MTMR2: variants seen among roughly 807,000 people sequenced by gnomAD.
The protein encoded by MTMR2 is myotubularin related protein 2, also known as phosphatidylinositol-3,5-bisphosphate 3-phosphatase MTMR2.
MTMR2 carries 55 observed loss-of-function variants against 86.9 expected under a neutral mutation model. The observed-to-expected ratio is 0.63, with a 90% CI of 0.51 to 0.79. The LOEUF (loss-of-function observed/expected upper bound fraction) is 0.79, where lower values mean the gene tolerates loss of function less well. Ranked by LOEUF, MTMR2 falls within the 30% of genes least tolerant of loss-of-function variation. MTMR2 has a pLI of 0.00. For missense variants in MTMR2, 659 were observed against 772.3 expected (o/e 0.85, Z 1.74); for synonymous variants, 241 against 266.8 (o/e 0.90, Z 0.94).
intron 2 of MTMR2, among the ~76,000 whole-genome samples, chr11:95,876,543 G>A (rs1865120070): frequency 6.6e-6 from 1 of 152,076 alleles, no homozygotes; most frequent in Non-Finnish European, 1.5e-5. Flanking sequence ...ACATCAATAG[G>A]TAAGATTCCA....
intron 1 of MTMR2, among the ~76,000 whole-genome samples, chr11:95,899,796 TTAAA>T (rs1199506023): frequency 6.6e-6 from 1 of 152,160 alleles, no homozygotes; most frequent in East Asian, 1.9e-4. Context: ...AGAGAACAGC[TTAAA>T]TAAATAGATC....
At chr11:95,909,765 G>T (rs1866427005) in intron 1 of MTMR2, among the ~76,000 whole-genome samples, 1 of 151,942 alleles carries the variant, frequency 6.6e-6, no homozygotes, top group Non-Finnish European at 1.5e-5. Context: ...TTGCAATAAG[G>T]ATCAAAATAT....
intron 1 of MTMR2, among the ~76,000 whole-genome samples, chr11:95,918,234 A>G (rs1565391688): frequency 6.6e-6 from 1 of 152,212 alleles, no homozygotes; most frequent in Non-Finnish European, 1.5e-5. Flanking sequence ...ATCCATCGGG[A>G]TCACCTGGAA....
intron 1 of MTMR2, among the ~76,000 whole-genome samples, chr11:95,923,019 T>C (rs563381842): frequency 2.6e-5 from 4 of 152,312 alleles, no homozygotes; most frequent in African/African-American, 9.6e-5. Context: ...ACAGGTCTTA[T>C]ATTATTTTTT....
intron 1 of MTMR2, among the ~76,000 whole-genome samples, chr11:95,909,446 A>G (rs1866416353): frequency 1.3e-5 from 2 of 152,158 alleles, no homozygotes; most frequent in South Asian, 4.1e-4. Flanking sequence ...ATCCCTTTTA[A>G]TGCTGCAAAG....
intron 4 of MTMR2, 65 bp from the exon 5 acceptor site, chr11:95,862,167 C>A: frequency 6.5e-7 from 1 of 1,532,476 alleles, no homozygotes; most frequent in South Asian, 1.1e-5. Context: ...TAGAGCTGAT[C>A]AAAATCTTAA....
intron 9 of MTMR2, among the ~76,000 whole-genome samples, chr11:95,848,168 C>T (rs1863875996): frequency 6.6e-6 from 1 of 152,160 alleles, no homozygotes; most frequent in South Asian, 2.1e-4. Context: ...GGTATTTAAA[C>T]ACTGTAAAGC....
intron 1 of MTMR2, among the ~76,000 whole-genome samples, chr11:95,902,118 A>G (rs1866096031): frequency 6.6e-6 from 1 of 152,062 alleles, no homozygotes; most frequent in South Asian, 2.1e-4. Flanking sequence ...CTTTTACCCT[A>G]CTACTTAGTA....
intron 7 of MTMR2, among the ~76,000 whole-genome samples, chr11:95,851,994 CCTT>C (rs1055396550): frequency 2.0e-5 from 3 of 152,178 alleles, no homozygotes; most frequent in Non-Finnish European, 4.4e-5. Flanking sequence ...AATTTTCCAT[CCTT>C]CACTGTATAC....
chr11:95,853,528 C>T (rs1005731594), intron 7 of MTMR2, among the ~76,000 whole-genome samples: 5 of 152,154 alleles, frequency 3.3e-5, no homozygotes, highest in Admixed American at 1.3e-4. Context: ...AAGCCCTCTA[C>T]AATCCTGCTT....
At position 95,871,338 on chromosome 11, in the gene MTMR2, G is replaced by A. The variant is rs572373399; in HGVS notation, c.187-5662C>T. Among the ~76,000 whole-genome samples the A allele has an allele frequency of 3.3e-5, 5 of 152,316 alleles. No homozygotes were observed. The East Asian group carries it at 9.6e-4, about 29-fold the overall frequency. On this transcript the variant is annotated intron_variant, in intron 2 of 14. Coordinates refer to ENST00000346299, the MANE Select transcript of MTMR2 (RefSeq NM_016156.6). Reference sequence around the variant, plus strand: ...ACTGACTTCCACAATGGTTGAACTAGTTTACAGTCCCCACCAACAGTGTAA... The same window carrying A: ...ACTGACTTCCACAATGGTTGAACTAATTTACAGTCCCCACCAACAGTGTAA...
intron 1 of MTMR2, chr11:95,907,787 G>C (rs548986737): frequency 5.5e-6 from 2 of 361,438 alleles, no homozygotes; most frequent in Non-Finnish European, 1.1e-5. Context: ...GACAGATGCA[G>C]AAAAGGCTTT....
chr11:95,896,704 A>G lies in MTMR2; in HGVS notation c.81-8443T>C, dbSNP rs771771880. ...TCACTAGAACATGCAAGATAAAACA[A>G]AAAAGAAATCTGTGAAAGGAGGGAG... On this transcript the variant is annotated intron_variant, in intron 1 of 14. Coordinates refer to ENST00000346299, the MANE Select transcript of MTMR2 (RefSeq NM_016156.6). Among the ~76,000 whole-genome samples, 8 of 152,236 alleles carry G rather than the reference A, an allele frequency of 5.3e-5. No homozygotes were observed. The East Asian group carries it at 1.2e-3, about 22-fold the overall frequency.
At chr11:95,845,597 T>G (rs1426280351) in intron 10 of MTMR2, among the ~76,000 whole-genome samples, 3 of 152,148 alleles carry the variant, frequency 2.0e-5, no homozygotes, top group Non-Finnish European at 4.4e-5. Context: ...ACTGGATCTC[T>G]TTAAAATACT....
chr11:95,905,318 C>G (rs951098931), intron 1 of MTMR2, among the ~76,000 whole-genome samples: 1 of 134,366 alleles, frequency 7.4e-6, no homozygotes, highest in South Asian at 2.5e-4. Context: ...TACACACACA[C>G]GCACGCACCT....
chr11:95,834,900 A>G lies in MTMR2; in HGVS notation c.*390T>C, dbSNP rs1863188658. The G allele has an allele frequency of 4.2e-6, 1 of 237,828 alleles. No individual in the cohort carries two copies. The highest frequency in any genetic ancestry group is 2.2e-5 in the African/African-American group (1 of 44,516). The allele number at this position is 237,828 out of a possible 1,614,324, so 14.7% of individuals were successfully genotyped here. A position where few individuals can be genotyped will look rare whatever the true frequency, so the allele number is the denominator to read the frequency against. On this transcript the variant is annotated 3_prime_UTR_variant, in exon 15 of 15. Transcript: ENST00000346299. ...AATATATGTGATGCCACAGAATTTC[A>G]GTGTTGGTTTGAAAACTGATGTTCC...
In MTMR2 at chr11:95,888,248, G is replaced by A. The variant is rs1591025020; in HGVS notation, c.94C>T (p.His32Tyr). 1 of 1,612,972 alleles carries A rather than the reference G, an allele frequency of 6.2e-7. No individual in the cohort carries two copies. The highest frequency in any genetic ancestry group is 8.5e-7 in the Non-Finnish European group (1 of 1,179,242). Residue 32 changes from histidine (H) to tyrosine (Y), a missense_variant, in exon 2 of 15, where the codon CAT becomes TAT. His to Tyr is a moderately conservative substitution (Grantham distance 83). Around this residue, in one of 3 missense-constraint regions of MTMR2, gnomAD observed 79 missense variants for 54.4 expected, o/e 1.45. Coordinates refer to ENST00000346299, the MANE Select transcript of MTMR2 (RefSeq NM_016156.6). Reference protein sequence around the residue: ...VDSLSSASTSHSENSVHTKSA... With the variant: ...VDSLSSASTSYSENSVHTKSA... ...TTTGTATGCACTGAATTCTCTGAATGAGAAGTGGAGGCACTACAAAATACA... is the reference window on the plus strand; with the variant it reads ...TTTGTATGCACTGAATTCTCTGAATAAGAAGTGGAGGCACTACAAAATACA...
intron 1 of MTMR2, 61 bp from the exon 2 acceptor site, chr11:95,888,322 C>T (rs2135549321): frequency 1.8e-6 from 2 of 1,102,436 alleles, no homozygotes; most frequent in Middle Eastern, 2.0e-4. Context: ...CAATTTCAGA[C>T]ATTGTATTTA....
intron 2 of MTMR2, among the ~76,000 whole-genome samples, chr11:95,882,997 C>T (rs887567205): frequency 3.4e-5 from 5 of 147,830 alleles, no homozygotes; most frequent in Non-Finnish European, 5.9e-5. Flanking sequence ...CCGCCCATCT[C>T]GGCCTCCCAA....
Sources: allele counts gnomAD v4.1 joint callset (sites outside exome capture counted in the v4.1 genomes callset), GRCh38; gene constraint gnomAD v4.1.1; regional missense constraint gnomAD v4.1.1; transcripts MANE v1.5; gene names NCBI Gene and HGNC (gene_info 2026-07-23, HGNC 2026-07-21).